Variants in GLIS3 observed in about 807,000 individuals in gnomAD.
The protein encoded by GLIS3 is GLIS family zinc finger 3, also known as zinc finger protein GLIS3.
Under a neutral mutation model 78.6 loss-of-function variants are expected in GLIS3, and 53 were observed. The ratio of observed to expected loss-of-function variants is 0.67; its 90% CI spans 0.54 to 0.85. The LOEUF is 0.85. Among genes scored for constraint, GLIS3 ranks in the 40% least tolerant of loss-of-function variants. The pLI is 0.00. For synonymous variants in GLIS3, 684 were observed against 509.9 expected, an observed-to-expected ratio of 1.34 and a Z score of -4.60; for missense variants, 1,703 against 1,231.1, an observed-to-expected ratio of 1.38 and a Z score of -5.74.
chr9:4,387,599 G>A, the GLIS3 span, among the ~76,000 whole-genome samples: 77 of 152,240 alleles, frequency 5.1e-4, no homozygotes, highest in African/African-American at 1.9e-3. Context: ...CAAGAGTTTG[G>A]AATATGCTCC....
intron 9 of GLIS3, among the ~76,000 whole-genome samples, chr9:3,839,535 T>A (rs937284310): frequency 2.6e-5 from 4 of 151,712 alleles, no homozygotes; most frequent in Non-Finnish European, 5.9e-5. Context: ...AAAATCTTCA[T>A]CATTAAAACA....
At chr9:4,489,155 C>T in the GLIS3 span, among the ~76,000 whole-genome samples, 1 of 152,070 alleles carries the variant, frequency 6.6e-6, no homozygotes, top group African/African-American at 2.4e-5. Flanking sequence ...GCAAGAGCCA[C>T]CGCACCCGGG....
chr9:4,049,020 A>G (rs1345507152), intron 4 of GLIS3, among the ~76,000 whole-genome samples: 2 of 152,218 alleles, frequency 1.3e-5, no homozygotes, highest in African/African-American at 4.8e-5. Context: ...CACCATGGAC[A>G]TACAGAGAGG....
the GLIS3 span, among the ~76,000 whole-genome samples, chr9:4,408,758 T>C: frequency 1.4e-5 from 2 of 146,156 alleles, no homozygotes; most frequent in Admixed American, 6.8e-5. Flanking sequence ...ATAGAGAGAA[T>C]GAATAGGACC....
intron 2 of GLIS3, among the ~76,000 whole-genome samples, chr9:4,330,564 G>C (rs1402908672): frequency 6.6e-6 from 1 of 152,020 alleles, no homozygotes; most frequent in Non-Finnish European, 1.5e-5. Flanking sequence ...GGTTGAGATG[G>C]AGATGAAGAG....
chr9:4,481,499 ATT>A, the GLIS3 span, among the ~76,000 whole-genome samples: 1 of 141,650 alleles, frequency 7.1e-6, no homozygotes, highest in South Asian at 2.3e-4. Context: ...TAATTAATTA[ATT>A]AATTAAAAAC....
chr9:3,915,851 G>A (rs188490101), intron 6 of GLIS3, among the ~76,000 whole-genome samples: 99 of 152,096 alleles, frequency 6.5e-4, no homozygotes, highest in African/African-American at 2.0e-3. Context: ...AAATACTCTC[G>A]CATATATATG....
At chr9:4,031,745 G>C (rs777878851) in intron 4 of GLIS3, among the ~76,000 whole-genome samples, 21 of 152,138 alleles carry the variant, frequency 1.4e-4, no homozygotes, top group Non-Finnish European at 2.6e-4. Flanking sequence ...ACTCCTAAAA[G>C]TATAAAGGTG....
chr9:4,105,963 C>G (rs939483847), intron 4 of GLIS3, among the ~76,000 whole-genome samples: 1 of 152,152 alleles, frequency 6.6e-6, no homozygotes, highest in Non-Finnish European at 1.5e-5. Context: ...GGAGGGACAA[C>G]TAGAGATAAT....
intron 4 of GLIS3, among the ~76,000 whole-genome samples, chr9:4,074,267 C>T (rs1038719941): frequency 3.3e-5 from 5 of 152,180 alleles, no homozygotes; most frequent in African/African-American, 1.2e-4. Flanking sequence ...TGAAACAGCA[C>T]CCAACCTAAG....
chr9:4,393,753 A>G, the GLIS3 span, among the ~76,000 whole-genome samples: 2 of 152,206 alleles, frequency 1.3e-5, no homozygotes, highest in African/African-American at 2.4e-5. Context: ...TTCTGCGTAC[A>G]TCATATCAGG....
intron 4 of GLIS3, among the ~76,000 whole-genome samples, chr9:4,100,233 C>T (rs971836384): frequency 2.6e-5 from 4 of 152,180 alleles, no homozygotes; most frequent in African/African-American, 9.7e-5. Flanking sequence ...CATTTCCCTT[C>T]CACCATAATT....
intron 4 of GLIS3, among the ~76,000 whole-genome samples, chr9:4,306,746 TCA>T (rs1817237134): frequency 6.6e-6 from 1 of 152,250 alleles, no homozygotes; most frequent in Non-Finnish European, 1.5e-5. Context: ...TTGGAAAGTT[TCA>T]GTCATCCTTG....
At chr9:4,483,723 G>GT in the GLIS3 span, among the ~76,000 whole-genome samples, 1 of 108,608 alleles carries the variant, frequency 9.2e-6, no homozygotes, top group Admixed American at 9.8e-5. Flanking sequence ...TTCGTCTTGG[G>GT]AAAAAAAAAA....
intron 1 of GLIS3, among the ~76,000 whole-genome samples, chr9:4,296,903 C>CTG (rs1816570883): frequency 8.8e-6 from 1 of 114,172 alleles, no homozygotes; most frequent in Non-Finnish European, 1.8e-5. Context: ...TTCTCAATTG[C>CTG]AAAAAAAAAA....
At chr9:4,475,006 T>G in the GLIS3 span, among the ~76,000 whole-genome samples, 1 of 145,572 alleles carries the variant, frequency 6.9e-6, no homozygotes, top group Non-Finnish European at 1.5e-5. Flanking sequence ...TTTTTTTTTT[T>G]TTTTTGAGAC....
chr9:4,314,781 T>G (rs1373769626), intron 2 of GLIS3, among the ~76,000 whole-genome samples: 1 of 152,180 alleles, frequency 6.6e-6, no homozygotes, highest in African/African-American at 2.4e-5. Flanking sequence ...TTGGGCAAGT[T>G]CCTTTAACCT....
intron 6 of GLIS3, among the ~76,000 whole-genome samples, chr9:3,911,134 C>T (rs951327869): frequency 7.9e-5 from 12 of 151,954 alleles, no homozygotes; most frequent in Non-Finnish European, 1.5e-4. Flanking sequence ...TCCTTTCTTC[C>T]TTCCTCCCTT....
At chr9:3,957,676 C>A (rs763488793) in intron 4 of GLIS3, among the ~76,000 whole-genome samples, 2 of 152,154 alleles carry the variant, frequency 1.3e-5, no homozygotes, top group Admixed American at 6.5e-5. Flanking sequence ...GGAAAACAGA[C>A]AAAGAAATGT....
Sources: allele counts gnomAD v4.1 joint callset (sites outside exome capture counted in the v4.1 genomes callset), GRCh38; gene constraint gnomAD v4.1.1; transcripts MANE v1.5; gene names NCBI Gene and HGNC (gene_info 2026-07-23, HGNC 2026-07-21).